Variants in PPFIA2 observed in about 807,000 individuals in gnomAD.
PPFIA2 encodes the protein PPFI scaffold protein A2.
PPFIA2 carries 46 observed loss-of-function variants against 175.5 expected under a neutral mutation model. That is an observed-to-expected ratio of 0.26 (90% CI 0.21 to 0.34). The LOEUF is 0.34. PPFIA2 is among the 10% of genes least tolerant of loss of function. The pLI is 1.00. For missense variants in PPFIA2, 1,179 were observed against 1,506.1 expected (o/e 0.78, Z 3.60); for synonymous variants, 568 against 511.4 (o/e 1.11, Z -1.49).
intron 3 of PPFIA2, among the ~76,000 whole-genome samples, chr12:81,710,634 A>G (rs910101818): frequency 2.0e-5 from 3 of 152,082 alleles, no homozygotes; most frequent in East Asian, 3.9e-4. Flanking sequence ...ATCTGTGATC[A>G]GCACCCAAGT....
Position 81,638,946 on chromosome 12 carries a change from C to A in PPFIA2, c.303+37845G>T, listed in dbSNP as rs538568445. Among the ~76,000 whole-genome samples, 609 of 152,066 alleles carry A rather than the reference C, an allele frequency of 4.0e-3. 3 individuals are homozygous for A. Among genetic ancestry groups the A allele is most frequent in the African/African-American group, 0.014 (573 of 41,500 alleles). On this transcript the variant is annotated intron_variant, in intron 4 of 32. Coordinates refer to ENST00000549396, the MANE Select transcript of PPFIA2 (RefSeq NM_003625.5). ...TCGTGATCCGCCCGCCTCGGCCTCC[C>A]AAAGTGCTGGGATTACAGGCGTGAG... is the stretch of plus-strand genomic sequence containing the variant.
At chr12:81,474,345 CG>C (rs1448871702) in intron 4 of PPFIA2, among the ~76,000 whole-genome samples, 1 of 151,898 alleles carries the variant, frequency 6.6e-6, no homozygotes, top group East Asian at 1.9e-4. Flanking sequence ...TTAGTAGAGA[CG>C]GGGTCTTGCC....
intron 21 of PPFIA2, among the ~76,000 whole-genome samples, chr12:81,337,246 C>G (rs1482923584): frequency 6.6e-6 from 1 of 152,176 alleles, no homozygotes; most frequent in Admixed American, 6.6e-5. Flanking sequence ...CTGTCTTCCT[C>G]ATCCATATTG....
At chr12:81,384,812 T>C (rs528637841) in intron 8 of PPFIA2, among the ~76,000 whole-genome samples, 2 of 152,166 alleles carry the variant, frequency 1.3e-5, no homozygotes, top group Non-Finnish European at 2.9e-5. Flanking sequence ...TTTTTATTTC[T>C]ATATTGCTAT....
intron 7 of PPFIA2, among the ~76,000 whole-genome samples, chr12:81,437,108 G>C (rs1160269641): frequency 6.6e-6 from 1 of 152,034 alleles, no homozygotes; most frequent in Admixed American, 6.6e-5. Flanking sequence ...AATAATACTC[G>C]AGGGATAAAA....
intron 8 of PPFIA2, among the ~76,000 whole-genome samples, chr12:81,386,584 C>T (rs1595911094): frequency 6.6e-6 from 1 of 151,256 alleles, no homozygotes; most frequent in Non-Finnish European, 1.5e-5. Flanking sequence ...ATTGCATTAG[C>T]GCACTCCAGC....
At chr12:81,645,146 T>A (rs949951992) in intron 4 of PPFIA2, among the ~76,000 whole-genome samples, 1 of 151,076 alleles carries the variant, frequency 6.6e-6, no homozygotes, top group Non-Finnish European at 1.5e-5. Flanking sequence ...ATTTAGGTAT[T>A]CAGAAGGAAA....
chr12:81,494,621 G>T (rs1382647909), intron 4 of PPFIA2, among the ~76,000 whole-genome samples: 1 of 151,870 alleles, frequency 6.6e-6, no homozygotes, highest in Admixed American at 6.6e-5. Context: ...TATAAATCAT[G>T]CTGCTATAAA....
chr12:81,512,703 A>G (rs1467787244), intron 4 of PPFIA2, among the ~76,000 whole-genome samples: 1 of 151,780 alleles, frequency 6.6e-6, no homozygotes, highest in Non-Finnish European at 1.5e-5. Context: ...ATTCTTCCCC[A>G]CAAGTCCCAA....
chr12:81,452,076 C>T (rs976957016), intron 5 of PPFIA2, among the ~76,000 whole-genome samples: 1 of 151,988 alleles, frequency 6.6e-6, no homozygotes, highest in Non-Finnish European at 1.5e-5. Context: ...TATGTGTATA[C>T]ACACATATGT....
intron 4 of PPFIA2, among the ~76,000 whole-genome samples, chr12:81,527,285 T>G (rs1180415784): frequency 2.0e-5 from 3 of 152,118 alleles, no homozygotes; most frequent in Admixed American, 1.3e-4. Context: ...TCAATCATCC[T>G]AAGAAAACAT....
intron 7 of PPFIA2, among the ~76,000 whole-genome samples, chr12:81,410,772 T>G (rs1422104231): frequency 6.6e-6 from 1 of 152,190 alleles, no homozygotes; most frequent in East Asian, 1.9e-4. Context: ...ATATTATTAC[T>G]TTACATGTTT....
At chr12:81,272,499 C>T (rs954156567) in intron 28 of PPFIA2, among the ~76,000 whole-genome samples, 3 of 152,088 alleles carry the variant, frequency 2.0e-5, no homozygotes. Flanking sequence ...TTATACTTTT[C>T]ACTTCTTCAA....
intron 3 of PPFIA2, among the ~76,000 whole-genome samples, chr12:81,697,923 C>A (rs1054417378): frequency 2.6e-4 from 40 of 152,076 alleles, no homozygotes; most frequent in African/African-American, 9.7e-4. Context: ...AACTAGATAT[C>A]ATGTTTGGAA....
chr12:81,703,049 A>C (rs1037396787), intron 3 of PPFIA2, among the ~76,000 whole-genome samples: 3 of 152,138 alleles, frequency 2.0e-5, no homozygotes, highest in Non-Finnish European at 4.4e-5. Context: ...CAGCAGCACA[A>C]GTAGACTAAG....
chr12:81,545,766 T>G (rs900648838), intron 4 of PPFIA2: 2 of 152,008 alleles, frequency 1.3e-5, no homozygotes, highest in African/African-American at 4.8e-5. Context: ...AACTACAAGG[T>G]AGAAGCACCA....
intron 30 of PPFIA2, among the ~76,000 whole-genome samples, chr12:81,264,843 A>T (rs55640824): frequency 0.014 from 2,175 of 152,348 alleles, 56 homozygotes; most frequent in African/African-American, 0.05. Flanking sequence ...GTAAATGTAG[A>T]AAAGAAACAG....
intron 4 of PPFIA2, among the ~76,000 whole-genome samples, chr12:81,616,848 C>A (rs959090116): frequency 6.6e-5 from 10 of 152,126 alleles, no homozygotes; most frequent in Admixed American, 5.2e-4. Flanking sequence ...TACACACTGG[C>A]AGTCACAGTC....
At chr12:81,403,451 T>C (rs946423296) in intron 8 of PPFIA2, among the ~76,000 whole-genome samples, 3 of 152,232 alleles carry the variant, frequency 2.0e-5, no homozygotes, top group Admixed American at 6.5e-5. Flanking sequence ...TTAGTGGTTA[T>C]ATTGTTAGAG....
Sources: allele counts gnomAD v4.1 joint callset (sites outside exome capture counted in the v4.1 genomes callset), GRCh38; gene constraint gnomAD v4.1.1; transcripts MANE v1.5; gene names NCBI Gene and HGNC (gene_info 2026-07-23, HGNC 2026-07-21).